CACNA1C: variants seen among roughly 807,000 people sequenced by gnomAD.
CACNA1C encodes the protein calcium voltage-gated channel subunit alpha1 C.
A neutral mutation model predicts 229.0 loss-of-function variants in CACNA1C; 30 were observed. The observed-to-expected ratio is 0.13, with a 90% CI of 0.10 to 0.18. CACNA1C has a LOEUF of 0.18. Ranked by LOEUF, CACNA1C falls within the 10% of genes least tolerant of loss-of-function variation. CACNA1C has a pLI of 1.00. For synonymous variants in CACNA1C, 1,114 were observed against 1,132.5 expected, an observed-to-expected ratio of 0.98 and a Z score of 0.33; for missense variants, 1,658 against 2,845.0, an observed-to-expected ratio of 0.58 and a Z score of 9.49.
intron 30 of CACNA1C, among the ~76,000 whole-genome samples, chr12:2,641,009 G>A (rs986475671): frequency 5.3e-5 from 8 of 152,210 alleles, no homozygotes; most frequent in African/African-American, 1.9e-4. Context: ...CTTTGTGGCT[G>A]TAACCACGCC....
chr12:2,676,779 T>TA (rs927237657), intron 39 of CACNA1C: 39 of 191,806 alleles, frequency 2.0e-4, no homozygotes, highest in Non-Finnish European at 2.8e-4. Flanking sequence ...ACCTTTTGCA[T>TA]AAAAAAAACA....
chr12:2,351,231 G>A (rs1016466032), intron 3 of CACNA1C, among the ~76,000 whole-genome samples: 10 of 152,294 alleles, frequency 6.6e-5, no homozygotes, highest in African/African-American at 2.4e-4. Context: ...CGTACCCCCA[G>A]CTGTGATGAC....
chr12:2,610,793 C>A (rs80202610), intron 28 of CACNA1C, 94 bp downstream of exon 28: 16 of 1,275,970 alleles, frequency 1.3e-5, no homozygotes, highest in Non-Finnish European at 1.7e-5. Context: ...CTCAGTGCAT[C>A]GCTTTCCTGG....
chr12:2,187,178 G>A (rs985669102), intron 3 of CACNA1C, among the ~76,000 whole-genome samples: 1 of 152,166 alleles, frequency 6.6e-6, no homozygotes. Flanking sequence ...CATTCTGTGA[G>A]TGAATATTTT....
intron 3 of CACNA1C, among the ~76,000 whole-genome samples, chr12:2,183,759 AG>A (rs1028280637): frequency 6.6e-6 from 1 of 152,226 alleles, no homozygotes; most frequent in Non-Finnish European, 1.5e-5. Flanking sequence ...GTCAGGAAAT[AG>A]GAACAGGTGG....
At chr12:2,326,633 T>C (rs1054187248) in intron 3 of CACNA1C, among the ~76,000 whole-genome samples, 1 of 152,230 alleles carries the variant, frequency 6.6e-6, no homozygotes. Context: ...ATGCTGTGTC[T>C]CCTAGTAAAT....
At chr12:2,687,738 C>T (rs747554580) in intron 45 of CACNA1C, among the ~76,000 whole-genome samples, 7 of 152,136 alleles carry the variant, frequency 4.6e-5, no homozygotes, top group African/African-American at 9.7e-5. Flanking sequence ...TGGGTTACTC[C>T]GTGTTGGTCA....
chr12:2,439,570 G>A lies in CACNA1C; in HGVS notation c.478-9406G>A, dbSNP rs544337310. On this transcript the variant is annotated intron_variant, in intron 3 of 46. Coordinates refer to ENST00000399655, the MANE Select transcript of CACNA1C (RefSeq NM_000719.7). ...CCTGGATCTGAGCACCCACACCCAC[G>A]TGCTGGGGCAGGGAGGCAAGTCAGG... Among the ~76,000 whole-genome samples, 3 of 152,246 alleles carry A rather than the reference G, an allele frequency of 2.0e-5. No individual in the cohort carries two copies. In the South Asian group the frequency reaches 6.2e-4, roughly 32 times the overall value.
chr12:2,648,984 T>G (rs941308652), intron 31 of CACNA1C, among the ~76,000 whole-genome samples: 5 of 152,192 alleles, frequency 3.3e-5, no homozygotes, highest in Non-Finnish European at 7.3e-5. Context: ...GGCTCCTAGC[T>G]TCCCTGTGCT....
rs368400478 is a variant in CACNA1C, at chr12:2,082,891, CAT to C, written c.49+29283_49+29284del. Among the ~76,000 whole-genome samples, 1,074 of 152,328 alleles carry C rather than the reference CAT, an allele frequency of 7.1e-3. 8 individuals are homozygous for C. Among genetic ancestry groups the C allele is most frequent in the Middle Eastern group, 0.024 (7 of 294 alleles). ...ATATTTATATATAGATATGCACACACATATGTGTACATACACACACTGAATAA... is the reference window on the plus strand; with the variant it reads ...ATATTTATATATAGATATGCACACACATGTGTACATACACACACTGAATAA... On this transcript the variant is annotated intron_variant, in intron 1 of 46. Transcript: ENST00000399655.
chr12:2,402,610 G>A (rs968177725), intron 3 of CACNA1C, among the ~76,000 whole-genome samples: 4 of 152,330 alleles, frequency 2.6e-5, no homozygotes, highest in Non-Finnish European at 4.4e-5. Flanking sequence ...TGGCTCTGAC[G>A]ACTTCACATG....
intron 1 of CACNA1C, among the ~76,000 whole-genome samples, chr12:2,114,143 CA>C (rs1157415347): frequency 6.6e-6 from 1 of 152,238 alleles, no homozygotes; most frequent in Non-Finnish European, 1.5e-5. Flanking sequence ...GTCAGTAATT[CA>C]AAAAGTTACT....
intron 3 of CACNA1C, among the ~76,000 whole-genome samples, chr12:2,347,931 A>G (rs1233143395): frequency 2.6e-5 from 4 of 152,210 alleles, no homozygotes; most frequent in African/African-American, 9.6e-5. Flanking sequence ...ACCAGATTCC[A>G]GAAGAGGGGC....
At chr12:2,203,135 A>C (rs2239027) in intron 3 of CACNA1C, among the ~76,000 whole-genome samples, 51,785 of 151,706 alleles carry the variant, frequency 0.34, 9,230 homozygotes, top group South Asian at 0.39. Flanking sequence ...CGTACATAGT[A>C]TTTTCCATGA....
intron 9 of CACNA1C, among the ~76,000 whole-genome samples, chr12:2,528,507 G>A (rs758572341): frequency 6.6e-5 from 10 of 152,318 alleles, no homozygotes; most frequent in Admixed American, 2.6e-4. Flanking sequence ...GCACACTTGT[G>A]CACACCCTGA....
At chr12:2,033,567 G>A (rs2048585986) in intron 1 of CACNA1C, among the ~76,000 whole-genome samples, 1 of 152,084 alleles carries the variant, frequency 6.6e-6, no homozygotes, top group African/African-American at 2.4e-5. Context: ...TCAGAGCTTT[G>A]GACATGATTC....
At chr12:2,584,107 C>T (rs527951538) in intron 15 of CACNA1C, among the ~76,000 whole-genome samples, 183 of 152,338 alleles carry the variant, frequency 1.2e-3, no homozygotes, top group Non-Finnish European at 1.1e-3. Context: ...ACCCCCTCAG[C>T]GCCCAGTTAT....
chr12:2,674,509 C>T (rs1217118662), intron 38 of CACNA1C, 32 bp from the exon 39 acceptor site: 1 of 1,548,262 alleles, frequency 6.5e-7, no homozygotes, highest in Admixed American at 2.0e-5. Flanking sequence ...CAGAGGCCCA[C>T]CAAGGGGCTG....
intron 1 of CACNA1C, among the ~76,000 whole-genome samples, chr12:2,057,608 A>C (rs947735914): frequency 6.6e-6 from 1 of 152,176 alleles, no homozygotes; most frequent in African/African-American, 2.4e-5. Context: ...CCCAGGTCCC[A>C]CAGTGACCTC....
Sources: allele counts gnomAD v4.1 joint callset (sites outside exome capture counted in the v4.1 genomes callset), GRCh38; gene constraint gnomAD v4.1.1; transcripts MANE v1.5; gene names NCBI Gene and HGNC (gene_info 2026-07-23, HGNC 2026-07-21).